KITLG: variants seen among roughly 807,000 people sequenced by gnomAD.
KITLG encodes the protein KIT ligand, also known as c-Kit ligand.
In KITLG, 13 loss-of-function variants were observed where a neutral mutation model predicts 34.1. The observed-to-expected ratio is 0.38, with a 90% CI of 0.25 to 0.61. KITLG has a LOEUF of 0.61. Among genes scored for constraint, KITLG ranks in the 20% least tolerant of loss-of-function variants. KITLG has a pLI of 0.60. For missense variants in KITLG, 292 were observed against 318.9 expected, an observed-to-expected ratio of 0.92 and a Z score of 0.64; for synonymous variants, 110 against 104.0, an observed-to-expected ratio of 1.06 and a Z score of -0.35.
intron 9 of KITLG, among the ~76,000 whole-genome samples, chr12:88,501,901 G>T (rs928391061): frequency 6.6e-6 from 1 of 151,832 alleles, no homozygotes. Flanking sequence ...GTTTAGTGGG[G>T]CTCCAAAACT....
At chr12:88,544,193 A>C (rs1045485845) in intron 2 of KITLG, among the ~76,000 whole-genome samples, 14 of 152,118 alleles carry the variant, frequency 9.2e-5, no homozygotes, top group African/African-American at 3.1e-4. Context: ...ACTGTTTACT[A>C]TGTGCTGTGT....
At chr12:88,510,464 T>C (rs182706511) in intron 6 of KITLG, among the ~76,000 whole-genome samples, 8 of 152,344 alleles carry the variant, frequency 5.3e-5, no homozygotes, top group African/African-American at 1.7e-4. Flanking sequence ...ATCTTCCATT[T>C]GACCGAAGAG....
intron 1 of KITLG, among the ~76,000 whole-genome samples, chr12:88,553,869 G>A (rs1276922166): frequency 6.6e-6 from 1 of 152,222 alleles, no homozygotes; most frequent in African/African-American, 2.4e-5. Context: ...GGAGCAGACA[G>A]TAGCAGACAG....
At chr12:88,580,218 G>T in intron 1 of KITLG, 46 bp downstream of exon 1, 1 of 1,588,884 alleles carries the variant, frequency 6.3e-7, no homozygotes, top group Non-Finnish European at 8.6e-7. Flanking sequence ...CACCGGGCGC[G>T]ATTTTTCCTG....
At chr12:88,574,656 T>C (rs1351601612) in intron 1 of KITLG, among the ~76,000 whole-genome samples, 1 of 152,184 alleles carries the variant, frequency 6.6e-6, no homozygotes, top group Non-Finnish European at 1.5e-5. Context: ...CTCTTTCTAC[T>C]ACATCATCAG....
intron 1 of KITLG, among the ~76,000 whole-genome samples, chr12:88,558,408 T>C (rs958437779): frequency 6.6e-6 from 1 of 151,966 alleles, no homozygotes; most frequent in African/African-American, 2.4e-5. Flanking sequence ...CCAAATATCA[T>C]CAAAATGAGT....
intron 2 of KITLG, among the ~76,000 whole-genome samples, chr12:88,545,144 C>A (rs573826373): frequency 7.2e-4 from 109 of 152,200 alleles, no homozygotes; most frequent in African/African-American, 2.3e-3. Flanking sequence ...AGAAGCATAG[C>A]ATGGAGCTGG....
At chr12:88,534,879 AAGAC>A (rs1870251777) in intron 2 of KITLG, 2 of 325,114 alleles carry the variant, frequency 6.2e-6, no homozygotes, top group African/African-American at 4.5e-5. Context: ...CCTAGTGACA[AAGAC>A]AGAGCAGACC....
intron 9 of KITLG, among the ~76,000 whole-genome samples, chr12:88,502,770 C>T (rs1424505193): frequency 1.3e-5 from 2 of 152,140 alleles, no homozygotes; most frequent in Non-Finnish European, 2.9e-5. Context: ...AGGATCCCAG[C>T]AATGCAATCC....
intron 9 of KITLG, among the ~76,000 whole-genome samples, chr12:88,497,998 A>T (rs974989631): frequency 2.0e-5 from 3 of 152,232 alleles, no homozygotes; most frequent in Non-Finnish European, 4.4e-5. Flanking sequence ...TTGTTGAAGC[A>T]TGAAAGCCAT....
chr12:88,563,191 A>C (rs565738173), intron 1 of KITLG, among the ~76,000 whole-genome samples: 1 of 152,368 alleles, frequency 6.6e-6, no homozygotes, highest in South Asian at 2.1e-4. Context: ...GCATGCAAAG[A>C]ATAAGATTTC....
At chr12:88,564,109 T>G (rs2120962815) in intron 1 of KITLG, 1 of 152,326 alleles carries the variant, frequency 6.6e-6, no homozygotes, top group Non-Finnish European at 1.5e-5. Context: ...TCTCGGTAAA[T>G]GTAAGTTATT....
intron 1 of KITLG, among the ~76,000 whole-genome samples, chr12:88,569,582 C>T (rs954089625): frequency 6.6e-6 from 1 of 152,106 alleles, no homozygotes; most frequent in African/African-American, 2.4e-5. Context: ...TGGATTATTT[C>T]ATTTTATCCT....
intron 1 of KITLG, among the ~76,000 whole-genome samples, chr12:88,572,324 T>C (rs1017908427): frequency 6.6e-6 from 1 of 151,918 alleles, no homozygotes; most frequent in African/African-American, 2.4e-5. Context: ...AAGCTACTTA[T>C]AATTTTAAAT....
chr12:88,567,024 G>A (rs1214917409), intron 1 of KITLG, among the ~76,000 whole-genome samples: 2 of 152,166 alleles, frequency 1.3e-5, no homozygotes, highest in African/African-American at 4.8e-5. Context: ...TCAGGGAAAA[G>A]TGCAAAAGGA....
At chr12:88,572,595 T>TTTTATA (rs1555258294) in intron 1 of KITLG, among the ~76,000 whole-genome samples, 17 of 134,930 alleles carry the variant, frequency 1.3e-4, no homozygotes, top group African/African-American at 4.0e-4. Flanking sequence ...ATATACATTA[T>TTTTATA]TATATATATA....
chr12:88,527,833 C>T (rs1010321677), intron 3 of KITLG, among the ~76,000 whole-genome samples: 2 of 152,122 alleles, frequency 1.3e-5, no homozygotes, highest in Non-Finnish European at 2.9e-5. Context: ...TCCACAGAAG[C>T]ATTAAGAAAC....
At chr12:88,527,277 T>G (rs1869909310) in intron 3 of KITLG, among the ~76,000 whole-genome samples, 1 of 152,180 alleles carries the variant, frequency 6.6e-6, no homozygotes. Context: ...AATGATTGGA[T>G]GTATTTCTTT....
chr12:88,523,945 T>A (rs899777425), intron 3 of KITLG, among the ~76,000 whole-genome samples: 2 of 152,232 alleles, frequency 1.3e-5, no homozygotes, highest in Admixed American at 6.5e-5. Flanking sequence ...TAAATATGTG[T>A]TATTTCCCAG....
Sources: allele counts gnomAD v4.1 joint callset (sites outside exome capture counted in the v4.1 genomes callset), GRCh38; gene constraint gnomAD v4.1.1; transcripts MANE v1.5; gene names NCBI Gene and HGNC (gene_info 2026-07-23, HGNC 2026-07-21).